Variants in CERK observed in about 807,000 individuals in gnomAD.
The protein encoded by CERK is acylsphingosine kinase.
Under a neutral mutation model 63.4 loss-of-function variants are expected in CERK, and 39 were observed. The ratio of observed to expected loss-of-function variants is 0.61; its 90% confidence interval spans 0.48 to 0.80. The LOEUF is 0.80. Ranked by LOEUF, CERK falls within the 30% of genes least tolerant of loss-of-function variation. CERK has a pLI of 0.00. For synonymous variants in CERK, 302 were observed against 280.0 expected (o/e 1.08, Z -0.78); for missense variants, 670 against 714.1 (o/e 0.94, Z 0.70).
chr22:46,720,566 GGCACCTATAATCCCA>G (rs1162914507), intron 2 of CERK, among the ~76,000 whole-genome samples: 5 of 151,880 alleles, frequency 3.3e-5, no homozygotes, highest in Admixed American at 6.6e-5. Flanking sequence ...TGTGGTGGCG[GGCACCTATAATCCCA>G]GCTACTCAGG....
chr22:46,726,696 C>G (rs1483211249), intron 1 of CERK, among the ~76,000 whole-genome samples: 2 of 152,186 alleles, frequency 1.3e-5, no homozygotes, highest in African/African-American at 4.8e-5. Context: ...CAAAAACCAG[C>G]CCTGCCCACC....
chr22:46,713,679 G>A (rs1230576669), intron 3 of CERK, among the ~76,000 whole-genome samples: 1 of 151,462 alleles, frequency 6.6e-6, no homozygotes, highest in Non-Finnish European at 1.5e-5. Flanking sequence ...CATGAAATAA[G>A]CAAACTACTG....
chr22:46,692,802 G>A (rs2082737868), intron 10 of CERK, among the ~76,000 whole-genome samples: 1 of 151,598 alleles, frequency 6.6e-6, no homozygotes, highest in Non-Finnish European at 1.5e-5. Flanking sequence ...CTACTAGGGA[G>A]GCTGAGGGAG....
At chr22:46,693,573 T>G (rs1014765063) in intron 9 of CERK, 70 bp from the exon 10 acceptor site, 7 of 1,224,980 alleles carry the variant, frequency 5.7e-6, no homozygotes, top group African/African-American at 1.5e-5. Context: ...TTGGCACATA[T>G]AGATGTATTT....
At chr22:46,692,026 T>C (rs1455175061) in intron 10 of CERK, among the ~76,000 whole-genome samples, 1 of 152,228 alleles carries the variant, frequency 6.6e-6, no homozygotes, top group Non-Finnish European at 1.5e-5. Flanking sequence ...TTGGTGACTT[T>C]TGGACAATTT....
intron 1 of CERK, among the ~76,000 whole-genome samples, chr22:46,737,042 C>T (rs2082977301): frequency 6.6e-6 from 1 of 152,128 alleles, no homozygotes; most frequent in Non-Finnish European, 1.5e-5. Flanking sequence ...ACCTGTAATC[C>T]CAGCACTTTG....
chr22:46,699,683 CG>C (rs2082774031), intron 7 of CERK, among the ~76,000 whole-genome samples: 1 of 152,174 alleles, frequency 6.6e-6, no homozygotes, highest in Non-Finnish European at 1.5e-5. Flanking sequence ...AAAACAGGCT[CG>C]GGGAGCTATC....
chr22:46,691,205 G>T (rs1569318385), intron 11 of CERK, among the ~76,000 whole-genome samples: 2 of 152,230 alleles, frequency 1.3e-5, no homozygotes, highest in South Asian at 2.1e-4. Flanking sequence ...CTCCCGAGTA[G>T]CTGGGATTAC....
intron 7 of CERK, among the ~76,000 whole-genome samples, chr22:46,701,366 A>C (rs1289891626): frequency 6.6e-6 from 1 of 152,240 alleles, no homozygotes; most frequent in Non-Finnish European, 1.5e-5. Flanking sequence ...AGGTGAGCTG[A>C]GTACGGGCAT....
At chr22:46,703,221 C>A (rs1383328960) in intron 6 of CERK, among the ~76,000 whole-genome samples, 1 of 152,198 alleles carries the variant, frequency 6.6e-6, no homozygotes, top group African/African-American at 2.4e-5. Context: ...AAACATGCTA[C>A]ATCAGGTCTC....
At chr22:46,711,979 T>C (rs1191399969) in intron 4 of CERK, among the ~76,000 whole-genome samples, 189 bp downstream of exon 4, 1 of 152,078 alleles carries the variant, frequency 6.6e-6, no homozygotes, top group African/African-American at 2.4e-5. Flanking sequence ...GCCAGCTACT[T>C]GGGAGGCTGA....
At chr22:46,704,675 A>T (rs569294742) in intron 6 of CERK, among the ~76,000 whole-genome samples, 7 of 152,144 alleles carry the variant, frequency 4.6e-5, no homozygotes, top group Admixed American at 3.3e-4. Flanking sequence ...AAATACAAAA[A>T]TTAGCCGGGC....
intron 8 of CERK, among the ~76,000 whole-genome samples, chr22:46,697,435 G>C (rs536756491): frequency 1.3e-5 from 2 of 151,880 alleles, no homozygotes; most frequent in South Asian, 4.2e-4. Flanking sequence ...CGAGTAACTG[G>C]GGTGCCCGGC....
intron 6 of CERK, among the ~76,000 whole-genome samples, chr22:46,703,310 C>T (rs560930356): frequency 2.0e-5 from 3 of 152,150 alleles, no homozygotes; most frequent in Non-Finnish European, 2.9e-5. Flanking sequence ...GGCAGCTCAA[C>T]ACCCTCCAGA....
At chr22:46,710,230 T>A (rs2082833757) in intron 5 of CERK, among the ~76,000 whole-genome samples, 1 of 152,168 alleles carries the variant, frequency 6.6e-6, no homozygotes, top group African/African-American at 2.4e-5. Context: ...GGTCAGGAGT[T>A]CGAGACCAGC....
At chr22:46,727,846 G>A (rs1184448730) in intron 1 of CERK, among the ~76,000 whole-genome samples, 2 of 135,334 alleles carry the variant, frequency 1.5e-5, no homozygotes, top group Non-Finnish European at 3.2e-5. Context: ...CCCCGGCCCT[G>A]CCACCCCCGC....
chr22:46,719,976 TG>T, intron 3 of CERK, 109 bp downstream of exon 3: 1 of 1,426,266 alleles, frequency 7.0e-7, no homozygotes, highest in Non-Finnish European at 9.5e-7. Context: ...CATGTCCACC[TG>T]GGGTATGGCC....
intron 1 of CERK, among the ~76,000 whole-genome samples, chr22:46,730,610 A>AAAG (rs1294158565): frequency 6.6e-6 from 1 of 152,226 alleles, no homozygotes; most frequent in African/African-American, 2.4e-5. Flanking sequence ...GAGCAGAGAG[A>AAAG]AAGAAATTGT....
Position 46,690,160 on chromosome 22 carries a change from A to C in CERK, c.1373T>G (p.Phe458Cys). 1.2e-6 allele frequency: 2 copies of C among 1,613,842 alleles called. No individual in the cohort carries two copies. The highest frequency in any genetic ancestry group is 3.3e-5 in the Admixed American group (2 of 59,970). ...TFVEVYRVKK[F>C]QFTSKHMEDE... ...CTCCATGTGCTTCGACGTAAACTGG[A>C]ATTTCTTGACGCGATAAACTTCAAC... is the stretch of plus-strand genomic sequence containing the variant. Residue 458 changes from phenylalanine to cysteine, a missense_variant, in exon 12 of 13, where the codon TTC becomes TGC. Coordinates refer to ENST00000216264, the MANE Select transcript of CERK (RefSeq NM_022766.6).
Sources: allele counts gnomAD v4.1 joint callset (sites outside exome capture counted in the v4.1 genomes callset), GRCh38; gene constraint gnomAD v4.1.1; transcripts MANE v1.5; gene names NCBI Gene and HGNC (gene_info 2026-07-23, HGNC 2026-07-21).